FCRLA: variants seen among roughly 807,000 people sequenced by gnomAD.
FCRLA encodes the protein Fc receptor-like A.
Under a neutral mutation model 28.4 loss-of-function variants are expected in FCRLA, and 26 were observed. The ratio of observed to expected loss-of-function variants is 0.91; its 90% CI spans 0.67 to 1.27. The LOEUF (loss-of-function observed/expected upper bound fraction) is 1.27. Ranked by LOEUF, FCRLA falls within the 50% of genes most tolerant of loss-of-function variation. The pLI is 0.00. For missense variants in FCRLA, 422 were observed against 433.1 expected (o/e 0.97, Z 0.23); for synonymous variants, 174 against 168.5 (o/e 1.03, Z -0.25).
At chr1:161,710,456 T>A (rs558744659) in intron 1 of FCRLA, 579 of 1,550,338 alleles carry the variant, frequency 3.7e-4, no homozygotes, top group Non-Finnish European at 4.8e-4. Context: ...TTGTCTTTGC[T>A]CCTGGTTTCC....
chr1:161,710,913 G>A lies in FCRLA; in HGVS notation c.232+1G>A. 6.2e-7 allele frequency: 1 copy of A among 1,612,662 alleles called. No homozygotes were observed. The highest frequency in any genetic ancestry group is 8.5e-7 in the Non-Finnish European group (1 of 1,179,956). On this transcript the variant is annotated splice_donor_variant, in intron 2 of 4. Transcript: ENST00000236938. LOFTEE classifies it high-confidence loss of function. ...CCCTTCCACCTGATTGTGTCCTATG[G>A]TGAGGTCCTGGGAAGGCCTGAGCAG... is the stretch of plus-strand genomic sequence containing the variant.
Position 161,710,909 on chromosome 1 carries a change from T to A in FCRLA, c.229T>A (p.Tyr77Asn), listed in dbSNP as rs530777599. 1 of 1,612,686 alleles carries A rather than the reference T, an allele frequency of 6.2e-7. No individual in the cohort carries two copies. Among genetic ancestry groups the A allele is most frequent in the Non-Finnish European group, 8.5e-7 (1 of 1,179,986 alleles). ...TGAACCCTTCCACCTGATTGTGTCC[T>A]ATGGTGAGGTCCTGGGAAGGCCTGA... ...FSEPFHLIVSYDWLILQGPAK... is the reference protein window; with the variant it reads ...FSEPFHLIVSNDWLILQGPAK... The change falls in exon 2 of 5, where the codon TAT becomes AAT. Residue 77 changes from tyrosine (Y) to asparagine (N), a missense_variant. By Grantham distance (143) the Tyr-to-Asn change is moderately radical (BLOSUM62 -2). Around this residue, in one of 3 missense-constraint regions of FCRLA, gnomAD observed 231 missense variants for 214.6 expected, o/e 1.08. Transcript: ENST00000236938.
intron 2 of FCRLA, 36 bp downstream of exon 2, chr1:161,710,948 C>A: frequency 6.2e-7 from 1 of 1,607,834 alleles, no homozygotes. Flanking sequence ...GTGCCCCAAA[C>A]CCCTTCTTTC....
At position 161,708,801 on chromosome 1, in the gene FCRLA, T is replaced by C. The variant is rs539146245; in HGVS notation, c.79+1458T>C. Among the ~76,000 whole-genome samples, 68 of 152,356 alleles carry C rather than the reference T, an allele frequency of 4.5e-4. 1 individual carries two copies. Among genetic ancestry groups the C allele is most frequent in the Non-Finnish European group, 7.9e-4 (54 of 68,034 alleles). On this transcript the variant is annotated intron_variant, in intron 1 of 4. Transcript: ENST00000236938. ...TCTTGAATGCTTCTTTCTGCTCCAA[T>C]GGCTGCTTGCGATACATTTTTCTTA...
In FCRLA at chr1:161,713,375, G is replaced by C. The variant is rs1417190227; in HGVS notation, c.1075G>C (p.Glu359Gln). Residue 359 changes from glutamate (E) to glutamine (Q), a missense_variant, in exon 5 of 5, where the codon GAA becomes CAA. By Grantham distance (29) the Glu-to-Gln change is conservative (BLOSUM62 2). Transcript: ENST00000236938. ...RKPGTTKATA[E>Q] ...GCCTGGGACCACAAAGGCTACTGCT[G>C]AATAGAAGTAAACAGTTCATCCATG... 1.2e-6 allele frequency: 2 copies of C among 1,611,628 alleles called. No homozygotes were observed. Among genetic ancestry groups the C allele is most frequent in the Non-Finnish European group, 1.7e-6 (2 of 1,178,660 alleles).
chr1:161,708,214 A>G (rs1228271887), intron 1 of FCRLA, among the ~76,000 whole-genome samples: 1 of 152,182 alleles, frequency 6.6e-6, no homozygotes. Flanking sequence ...GATCTCAGCT[A>G]ATGACACCAG....
At chr1:161,713,035 G>A (rs760654549) in intron 4 of FCRLA, 50 bp from the exon 5 acceptor site, 13 of 1,555,490 alleles carry the variant, frequency 8.4e-6, no homozygotes, top group South Asian at 4.9e-5. Context: ...GGGAGGGAAG[G>A]GCCAGAGTCA....
intron 3 of FCRLA, 114 bp downstream of exon 3, chr1:161,711,588 G>T (rs1036428891): frequency 1.8e-5 from 25 of 1,379,376 alleles, no homozygotes; most frequent in African/African-American, 2.9e-5. Context: ...TATGGAGCAG[G>T]TTGCTGGCAA....
At chr1:161,711,876 T>C (rs1212340237) in intron 3 of FCRLA, 58 bp from the exon 4 acceptor site, 9 of 1,530,686 alleles carry the variant, frequency 5.9e-6, no homozygotes, top group Non-Finnish European at 7.9e-6. Context: ...TTCACCTGCA[T>C]GTGTCTACCT....
chr1:161,712,043 C>T lies in FCRLA; in HGVS notation c.609C>T (p.Ala203=), dbSNP rs1233034358. The change falls in exon 4 of 5, where the codon GCC becomes GCT. Residue 203 remains alanine, a synonymous_variant. Transcript: ENST00000236938. The part of the protein sequence containing the change: ...QTKLPLQRSA[A]RLLFSFYKDG... Reference sequence around the variant, plus strand: ...AGTTGCCCCTGCAGAGGTCAGCTGCCCGCCTCCTCTTCTCCTTCTACAAGG... The same window carrying T: ...AGTTGCCCCTGCAGAGGTCAGCTGCTCGCCTCCTCTTCTCCTTCTACAAGG... 3.1e-6 allele frequency: 5 copies of T among 1,614,082 alleles called. No individual in the cohort carries two copies. The highest frequency in any genetic ancestry group is 4.2e-6 in the Non-Finnish European group (5 of 1,180,052).
In FCRLA at chr1:161,711,192, T is replaced by A. The variant is rs1362049643; in HGVS notation, c.233-16T>A. On this transcript the variant is annotated splice_polypyrimidine_tract_variant and intron_variant, in intron 2 of 4. Coordinates refer to ENST00000236938, the MANE Select transcript of FCRLA (RefSeq NM_032738.4). ...GGAGGCCCTGGGTGACACTCAGCTC[T>A]TTCTCTGGACCATAGACTGGCTGAT... 1 of 1,601,708 alleles carries A rather than the reference T, an allele frequency of 6.2e-7. No individual in the cohort carries two copies. The highest frequency in any genetic ancestry group is 8.5e-7 in the Non-Finnish European group (1 of 1,172,500).
In FCRLA at chr1:161,711,452, T is replaced by C. The variant is rs753147888; in HGVS notation, c.477T>C (p.Ser159=). ...GTCCTGGGATCCCAGAAACAGCATC[T>C]GTTGTGGCTATCACAGTCCAAGGTG... ...SPGPGIPETA[S]VVAITVQELF... Residue 159 remains serine, a synonymous_variant, in exon 3 of 5, where the codon TCT becomes TCC. Coordinates refer to ENST00000236938, the MANE Select transcript of FCRLA (RefSeq NM_032738.4). 2 of 1,613,876 alleles carry C rather than the reference T, an allele frequency of 1.2e-6. No homozygotes were observed. The highest frequency in any genetic ancestry group is 1.7e-5 in the Admixed American group (1 of 59,976).
rs1683210868 is a variant in FCRLA, at chr1:161,713,388, C to T, written c.*8C>T. Reference sequence around the variant, plus strand: ...AAGGCTACTGCTGAATAGAAGTAAACAGTTCATCCATGATCTCACTTAACC... The same window carrying T: ...AAGGCTACTGCTGAATAGAAGTAAATAGTTCATCCATGATCTCACTTAACC... On this transcript the variant is annotated 3_prime_UTR_variant, in exon 5 of 5. Coordinates refer to ENST00000236938, the MANE Select transcript of FCRLA (RefSeq NM_032738.4). 1 of 1,603,794 alleles carries T rather than the reference C, an allele frequency of 6.2e-7. No homozygotes were observed. The highest frequency in any genetic ancestry group is 8.5e-7 in the Non-Finnish European group (1 of 1,173,602).
Position 161,710,595 on chromosome 1 carries a change from C to T in FCRLA, c.80-165C>T, listed in dbSNP as rs1208521716. 5.6e-6 allele frequency: 8 copies of T among 1,419,728 alleles called. No homozygotes were observed. The East Asian group carries it at 7.4e-5, about 13-fold the overall frequency. 87.9% of individuals were successfully genotyped at this position (1,419,728 alleles called of 1,614,324 possible). A position where few individuals can be genotyped will look rare whatever the true frequency, so the allele number is the denominator to read the frequency against. On this transcript the variant is annotated intron_variant, in intron 1 of 4. Coordinates refer to ENST00000236938, the MANE Select transcript of FCRLA (RefSeq NM_032738.4). ...CCAGTGAATCAAGGTCAAAACTATC[C>T]CCCTGAGACACTCTCAGGGGTCTTT...
Position 161,707,316 on chromosome 1 carries a change from G to T in FCRLA, c.52G>T (p.Val18Leu). 6.2e-7 allele frequency: 1 copy of T among 1,609,756 alleles called. No individual in the cohort carries two copies. Residue 18 changes from valine to leucine, a missense_variant, in exon 1 of 5, where the codon GTG (valine) becomes TTG (leucine). Val to Leu is a conservative substitution (Grantham distance 32, BLOSUM62 1). Transcript: ENST00000236938. ...MAWALYLSLG[V>L]LWVAQMLLAA... The stretch of plus-strand genomic sequence containing the variant: ...CTGGGCCCTCTACCTTTCCCTTGGT[G>T]TGCTCTGGGTGGCCCAGATGCTACT...
intron 1 of FCRLA, among the ~76,000 whole-genome samples, chr1:161,708,632 T>C (rs12136414): frequency 0.41 from 62,373 of 152,028 alleles, 15,076 homozygotes; most frequent in Non-Finnish European, 0.55. Context: ...CACACCAGAC[T>C]CTTGCCTGTC....
At chr1:161,709,067 A>T (rs1682968154) in intron 1 of FCRLA, among the ~76,000 whole-genome samples, 1 of 152,240 alleles carries the variant, frequency 6.6e-6, no homozygotes, top group Admixed American at 6.5e-5. Context: ...AATGAAAATA[A>T]TAATACCTAC....
chr1:161,711,611 G>T, intron 3 of FCRLA, 137 bp downstream of exon 3: 2 of 1,131,562 alleles, frequency 1.8e-6, no homozygotes, highest in South Asian at 1.6e-5. Context: ...GCCCAAGTTG[G>T]GCTTCGAAAG....
rs776850472 is a variant in FCRLA, at chr1:161,711,163, C to G, written c.233-45C>G. ...AGTAGGCATGCTTGGGGGTGGCCCC[C>G]AAGGGAGGCCCTGGGTGACACTCAG... On this transcript the variant is annotated intron_variant, in intron 2 of 4. Coordinates refer to ENST00000236938, the MANE Select transcript of FCRLA (RefSeq NM_032738.4). 10 of 1,574,312 alleles carry G rather than the reference C, an allele frequency of 6.4e-6. No homozygotes were observed. The South Asian group carries it at 1.2e-4, about 19-fold the overall frequency.
Sources: allele counts gnomAD v4.1 joint callset (sites outside exome capture counted in the v4.1 genomes callset), GRCh38; gene constraint gnomAD v4.1.1; regional missense constraint gnomAD v4.1.1; transcripts MANE v1.5; gene names NCBI Gene and HGNC (gene_info 2026-07-23, HGNC 2026-07-21).